EPHA3: variants seen among roughly 807,000 people sequenced by gnomAD.
EPHA3 encodes EPH receptor A3, also known as ephrin type-A receptor 3.
In EPHA3, 42 loss-of-function variants were observed where a neutral mutation model predicts 107.1. The observed-to-expected ratio is 0.39, with a 90% CI of 0.31 to 0.51. The LOEUF is 0.51. EPHA3 is among the 20% of genes least tolerant of loss of function. EPHA3 has a pLI of 0.78. For missense variants in EPHA3, 1,183 were observed against 1,211.2 expected (o/e 0.98, Z 0.35); for synonymous variants, 461 against 424.8 (o/e 1.09, Z -1.05).
At chr3:89,337,339 A>G (rs1484206002) in intron 3 of EPHA3, among the ~76,000 whole-genome samples, 2 of 152,202 alleles carry the variant, frequency 1.3e-5, no homozygotes, top group African/African-American at 4.8e-5. Flanking sequence ...AAACTATACC[A>G]TTGAATTTCT....
At chr3:89,169,500 A>G (rs1033527510) in intron 2 of EPHA3, among the ~76,000 whole-genome samples, 10 of 152,216 alleles carry the variant, frequency 6.6e-5, no homozygotes, top group African/African-American at 2.4e-4. Flanking sequence ...TCTTAAATAA[A>G]CTGCTAATAA....
At chr3:89,446,159 G>A in intron 13 of EPHA3, among the ~76,000 whole-genome samples, 1 of 152,246 alleles carries the variant, frequency 6.6e-6, no homozygotes, top group Non-Finnish European at 1.5e-5. Flanking sequence ...TAGACCACAT[G>A]TAATTGGGAA....
rs546244959 is a variant in EPHA3, at chr3:89,210,516, C to T, written c.810C>T (p.Cys270=). 1 of 1,541,284 alleles carries T rather than the reference C, an allele frequency of 6.5e-7. No individual in the cohort carries two copies. Among genetic ancestry groups the T allele is most frequent in the African/African-American group, 1.4e-5 (1 of 72,354 alleles). Residue 270 remains cysteine, a synonymous_variant, in exon 3 of 17, where the codon TGC becomes TGT. Transcript: ENST00000336596. ...NAGYEERGFM[C]QACRPGFYKA... ...GCTATGAAGAAAGAGGTTTTATGTG[C>T]CAAGGTAAGAGCCTTCTCTATTTTT...
chr3:89,280,681 A>C (rs891925376), intron 3 of EPHA3, among the ~76,000 whole-genome samples: 5 of 152,176 alleles, frequency 3.3e-5, no homozygotes, highest in African/African-American at 1.2e-4. Flanking sequence ...GTATGTACAC[A>C]TCCATAAAAT....
At chr3:89,203,340 CAAAA>C (rs1706019667) in intron 2 of EPHA3, among the ~76,000 whole-genome samples, 1 of 132,058 alleles carries the variant, frequency 7.6e-6, no homozygotes, top group Non-Finnish European at 1.6e-5. Flanking sequence ...AAAAACAAAA[CAAAA>C]CAAAACAAAA....
In EPHA3 at chr3:89,458,102, T is replaced by C. The variant is rs566475579; in HGVS notation, c.2690+7732T>C. Among the ~76,000 whole-genome samples, 10 of 152,284 alleles carry C rather than the reference T, an allele frequency of 6.6e-5. No homozygotes were observed. In the East Asian group the frequency reaches 1.5e-3, roughly 24 times the overall value. On this transcript the variant is annotated intron_variant, in intron 15 of 16. Coordinates refer to ENST00000336596, the MANE Select transcript of EPHA3 (RefSeq NM_005233.6). The stretch of plus-strand genomic sequence containing the variant: ...AATGTTTGAATGCCTCCTGTTTCCA[T>C]TGTATGTAACAAGGTGTAGTGGCAG...
chr3:89,346,270 C>A (rs1707650688), intron 5 of EPHA3, among the ~76,000 whole-genome samples: 1 of 129,036 alleles, frequency 7.7e-6, no homozygotes, highest in Admixed American at 7.6e-5. Flanking sequence ...CACATCCTCT[C>A]CAGCTCCTGT....
chr3:89,189,164 G>A (rs1221096867), intron 2 of EPHA3, among the ~76,000 whole-genome samples: 5 of 152,132 alleles, frequency 3.3e-5, no homozygotes, highest in Admixed American at 6.5e-5. Flanking sequence ...TAAATGGGAA[G>A]GATTGTCCTT....
At chr3:89,289,790 G>C (rs915329746) in intron 3 of EPHA3, among the ~76,000 whole-genome samples, 2 of 151,984 alleles carry the variant, frequency 1.3e-5, no homozygotes, top group African/African-American at 4.8e-5. Context: ...GAGCTAAAAG[G>C]CTGCGATTCC....
intron 5 of EPHA3, among the ~76,000 whole-genome samples, chr3:89,353,440 A>C (rs1461879979): frequency 6.6e-6 from 1 of 151,390 alleles, no homozygotes; most frequent in Non-Finnish European, 1.5e-5. Context: ...AAACCTAAAA[A>C]TCAAAGTCTT....
intron 2 of EPHA3, among the ~76,000 whole-genome samples, chr3:89,143,891 C>T (rs954700120): frequency 1.3e-5 from 2 of 151,410 alleles, no homozygotes; most frequent in Non-Finnish European, 3.0e-5. Flanking sequence ...ATCATTTTGT[C>T]ATCAGTTTAA....
chr3:89,438,232 C>T (rs540814236), intron 13 of EPHA3, among the ~76,000 whole-genome samples: 11 of 152,028 alleles, frequency 7.2e-5, no homozygotes, highest in African/African-American at 2.2e-4. Flanking sequence ...CCTCAGCCTC[C>T]GGAGTAGCTG....
chr3:89,449,087 C>A, intron 13 of EPHA3, 138 bp from the exon 14 acceptor site: 1 of 748,200 alleles, frequency 1.3e-6, no homozygotes, highest in Non-Finnish European at 1.9e-6. Flanking sequence ...AGAATAACAT[C>A]AAAATGTTTC....
intron 15 of EPHA3, among the ~76,000 whole-genome samples, chr3:89,455,770 G>A (rs984002302): frequency 1.3e-5 from 2 of 152,160 alleles, no homozygotes; most frequent in African/African-American, 2.4e-5. Context: ...TCTTCCTTAA[G>A]GAAGCAACTT....
chr3:89,145,963 G>T (rs1435647489), intron 2 of EPHA3, among the ~76,000 whole-genome samples: 2 of 151,794 alleles, frequency 1.3e-5, no homozygotes, highest in African/African-American at 2.4e-5. Context: ...TGTTAAAAAT[G>T]AATAGATGCT....
chr3:89,362,394 C>T lies in EPHA3; in HGVS notation c.1306+20304C>T, dbSNP rs1708111256. Among the ~76,000 whole-genome samples, 2 of 151,064 alleles carry T rather than the reference C, an allele frequency of 1.3e-5. 1 individual carries two copies. Among genetic ancestry groups the T allele is most frequent in the Non-Finnish European group, 3.0e-5 (2 of 67,492 alleles). ...CTGCCTAGAAGTGAGCTTTATTCCA[C>T]CTCCATGTAAAGAAAGCAGCTGTCT... is the stretch of plus-strand genomic sequence containing the variant. On this transcript the variant is annotated intron_variant, in intron 5 of 16. Coordinates refer to ENST00000336596, the MANE Select transcript of EPHA3 (RefSeq NM_005233.6).
chr3:89,325,395 G>T (rs1475416606), intron 3 of EPHA3, among the ~76,000 whole-genome samples: 1 of 152,102 alleles, frequency 6.6e-6, no homozygotes, highest in Non-Finnish European at 1.5e-5. Context: ...ATAGAAGCAA[G>T]CATAATCTCT....
At chr3:89,327,585 A>G (rs775676522) in intron 3 of EPHA3, among the ~76,000 whole-genome samples, 13 of 152,120 alleles carry the variant, frequency 8.5e-5, no homozygotes, top group Non-Finnish European at 1.3e-4. Flanking sequence ...TAATTGACAA[A>G]AGTGTTATTG....
chr3:89,472,518 A>T lies in EPHA3; in HGVS notation c.2745A>T (p.Thr915=). ...ATGTGGATATCACTACCTTCCGCAC[A>T]ACAGGTGACTGGCTTAATGGTGTCT... is the stretch of plus-strand genomic sequence containing the variant. ...QSNVDITTFR[T]TGDWLNGVWT... The change falls in exon 16 of 17, where the codon ACA becomes ACT. Residue 915 remains threonine, a synonymous_variant. Coordinates refer to ENST00000336596, the MANE Select transcript of EPHA3 (RefSeq NM_005233.6). The T allele has an allele frequency of 1.2e-6, 2 of 1,614,122 alleles. No individual in the cohort carries two copies. The highest frequency in any genetic ancestry group is 1.7e-6 in the Non-Finnish European group (2 of 1,179,996).
Sources: gnomAD v4.1 joint callset for allele counts (sites outside exome capture counted in the v4.1 genomes callset) on GRCh38, gnomAD v4.1.1 for gene constraint, MANE v1.5 for transcripts, NCBI Gene and HGNC (gene_info 2026-07-23, HGNC 2026-07-21) for gene names.